FGF12: variants seen among roughly 807,000 people sequenced by gnomAD.
FGF12 encodes the protein fibroblast growth factor 12.
A neutral mutation model predicts 23.6 loss-of-function variants in FGF12; 14 were observed. The ratio of observed to expected loss-of-function variants is 0.59; its 90% CI spans 0.39 to 0.93. FGF12 has a LOEUF of 0.93. FGF12 is among the 40% of genes least tolerant of loss of function. The pLI, the probability that FGF12 is intolerant of heterozygous loss-of-function variation, is 0.00. For synonymous variants in FGF12, 62 were observed against 77.3 expected (o/e 0.80, Z 1.04); for missense variants, 175 against 217.8 (o/e 0.80, Z 1.24).
At chr3:192,208,229 C>G (rs567437206) in intron 4 of FGF12, among the ~76,000 whole-genome samples, 1 of 152,296 alleles carries the variant, frequency 6.6e-6, no homozygotes, top group Non-Finnish European at 1.5e-5. Context: ...AAAAGCACTT[C>G]GATGTGATTT....
chr3:192,210,545 C>T (rs1271077373), intron 4 of FGF12, among the ~76,000 whole-genome samples: 1 of 152,076 alleles, frequency 6.6e-6, no homozygotes, highest in African/African-American at 2.4e-5. Context: ...ATAGAGTACA[C>T]AGAAAAGAGA....
rs139197257 is a variant in FGF12 at position 192,447,518 on chromosome 3, T to C, written c.14-86980A>G. On this transcript the variant is annotated intron_variant, in intron 2 of 5. Coordinates refer to ENST00000445105, the MANE Select transcript of FGF12 (RefSeq NM_004113.6). ...TTTCTGTAGTACTGCTAACATTTGATGCATTTTTTTCTACAAATTTTCTAG... is the reference window on the plus strand; with the variant it reads ...TTTCTGTAGTACTGCTAACATTTGACGCATTTTTTTCTACAAATTTTCTAG... Among the ~76,000 whole-genome samples the C allele has an allele frequency of 3.3e-3, 508 of 152,316 alleles. 6 individuals are homozygous for C. The highest frequency in any genetic ancestry group is 0.023 in the Admixed American group (346 of 15,294).
chr3:192,415,812 A>G (rs961941403), intron 2 of FGF12, among the ~76,000 whole-genome samples: 5 of 151,844 alleles, frequency 3.3e-5, no homozygotes, highest in Non-Finnish European at 7.4e-5. Flanking sequence ...ATAATAAGGC[A>G]AACAGAGAGC....
chr3:192,425,078 C>A (rs138005985), intron 2 of FGF12, among the ~76,000 whole-genome samples: 133 of 152,254 alleles, frequency 8.7e-4, no homozygotes, highest in South Asian at 5.0e-3. Flanking sequence ...CGGTCTCCTG[C>A]CAACTTTTTC....
chr3:192,483,965 T>C (rs1211395591), intron 2 of FGF12, among the ~76,000 whole-genome samples: 1 of 152,006 alleles, frequency 6.6e-6, no homozygotes, highest in Non-Finnish European at 1.5e-5. Flanking sequence ...ATATACATTA[T>C]AAAGAACAAA....
At chr3:192,177,612 C>T (rs897877943) in intron 4 of FGF12, among the ~76,000 whole-genome samples, 2 of 152,200 alleles carry the variant, frequency 1.3e-5, no homozygotes, top group Non-Finnish European at 2.9e-5. Flanking sequence ...ACTGCTCTGG[C>T]TGAGATAACC....
intron 2 of FGF12, among the ~76,000 whole-genome samples, chr3:192,592,415 T>C (rs758413530): frequency 4.6e-5 from 7 of 151,794 alleles, no homozygotes; most frequent in African/African-American, 7.2e-5. Flanking sequence ...CCTGGTAAAG[T>C]GGTATTTGCA....
chr3:192,333,861 A>G (rs889309412), intron 4 of FGF12, among the ~76,000 whole-genome samples: 2 of 152,100 alleles, frequency 1.3e-5, no homozygotes, highest in African/African-American at 4.8e-5. Context: ...TGTGGTACAC[A>G]TGGTTATATA....
intron 2 of FGF12, among the ~76,000 whole-genome samples, chr3:192,385,023 G>C (rs1719982722): frequency 6.6e-6 from 1 of 152,142 alleles, no homozygotes; most frequent in African/African-American, 2.4e-5. Flanking sequence ...TATATAGATA[G>C]ATTTGAGGGA....
chr3:192,473,308 T>C (rs1723226018), intron 2 of FGF12, among the ~76,000 whole-genome samples: 1 of 152,224 alleles, frequency 6.6e-6, no homozygotes, highest in African/African-American at 2.4e-5. Context: ...CTTTCACTAA[T>C]TTATTCCCAT....
At chr3:192,362,602 C>T (rs986963203) in intron 2 of FGF12, among the ~76,000 whole-genome samples, 2 of 152,158 alleles carry the variant, frequency 1.3e-5, no homozygotes, top group African/African-American at 2.4e-5. Flanking sequence ...ACCTCAAATG[C>T]TGTGTGGCCC....
chr3:192,643,247 C>A (rs897747330), intron 2 of FGF12, among the ~76,000 whole-genome samples: 1 of 145,570 alleles, frequency 6.9e-6, no homozygotes, highest in East Asian at 2.1e-4. Flanking sequence ...CTATCTCTAG[C>A]TAGCTAGTTA....
At chr3:192,512,859 T>TATATATATATATATATATATATATA (rs376386122) in intron 2 of FGF12, among the ~76,000 whole-genome samples, 19 of 57,398 alleles carry the variant, frequency 3.3e-4, no homozygotes, top group Non-Finnish European at 5.0e-4. Flanking sequence ...TATATATATA[T>TATATATATATATATATATATATATA]AACAGGCTAT....
intron 2 of FGF12, among the ~76,000 whole-genome samples, chr3:192,382,136 A>C (rs1454808213): frequency 6.6e-6 from 1 of 152,090 alleles, no homozygotes; most frequent in African/African-American, 2.4e-5. Flanking sequence ...AGCTGGGACT[A>C]CAGGCATGTG....
rs113669022 is a variant in FGF12, at chr3:192,609,294, A to G, written c.13+117887T>C. Among the ~76,000 whole-genome samples, 235 of 152,182 alleles carry G rather than the reference A, an allele frequency of 1.5e-3. 1 individual carries two copies. The highest frequency in any genetic ancestry group is 5.4e-3 in the African/African-American group (224 of 41,536). On this transcript the variant is annotated intron_variant, in intron 2 of 5. Transcript: ENST00000445105. Reference sequence around the variant, plus strand: ...TACAACACAGATTTTCCTGAAGCCAATCATAAACGGGGGGTGAAGCGTGTG... The same window carrying G: ...TACAACACAGATTTTCCTGAAGCCAGTCATAAACGGGGGGTGAAGCGTGTG...
chr3:192,385,564 C>A (rs189842648), intron 2 of FGF12, among the ~76,000 whole-genome samples: 2 of 152,248 alleles, frequency 1.3e-5, no homozygotes, highest in South Asian at 2.1e-4. Context: ...ATTCACCCCC[C>A]CCAGCTCATA....
intron 4 of FGF12, among the ~76,000 whole-genome samples, chr3:192,196,484 G>A (rs1717075071): frequency 2.0e-5 from 3 of 151,840 alleles, no homozygotes; most frequent in South Asian, 4.2e-4. Context: ...TCATTTTTTA[G>A]CCAATACTTA....
chr3:192,450,952 C>G (rs1006005862), intron 2 of FGF12, among the ~76,000 whole-genome samples: 1 of 152,158 alleles, frequency 6.6e-6, no homozygotes, highest in African/African-American at 2.4e-5. Flanking sequence ...CCAATATCAC[C>G]TCAGTCATGA....
At chr3:192,535,601 A>G (rs552561245) in intron 2 of FGF12, among the ~76,000 whole-genome samples, 5 of 152,322 alleles carry the variant, frequency 3.3e-5, no homozygotes, top group African/African-American at 1.2e-4. Flanking sequence ...TTTTCAGAGA[A>G]CAAGGATAGC....
Sources: gnomAD v4.1 joint callset for allele counts (sites outside exome capture counted in the v4.1 genomes callset) on GRCh38, gnomAD v4.1.1 for gene constraint, MANE v1.5 for transcripts, NCBI Gene and HGNC (gene_info 2026-07-23, HGNC 2026-07-21) for gene names.